The following LASP1NB variants were observed in gnomAD, a reference collection of about 807,000 sequenced individuals.
The protein encoded by LASP1NB is LASP1 neighbor protein.
At chr17:38,926,304 G>A in the LASP1NB span, 3 of 152,164 alleles carry the variant, frequency 2.0e-5, no homozygotes, top group Admixed American at 6.5e-5. Flanking sequence ...TTTACTTGGG[G>A]TGGGGTTTTC....
chr17:38,926,027 A>C, the LASP1NB span: 1 of 317,338 alleles, frequency 3.2e-6, no homozygotes, highest in Admixed American at 4.9e-5. Context: ...GACTTTAAAA[A>C]TTACAAATAA....
At chr17:38,929,326 T>G in the LASP1NB span, 1 of 152,142 alleles carries the variant, frequency 6.6e-6, no homozygotes, top group Admixed American at 6.6e-5. Context: ...TGTATAAATT[T>G]TATAAATTTG....
At chr17:38,926,343 G>A in the LASP1NB span, 1 of 152,344 alleles carries the variant, frequency 6.6e-6, no homozygotes, top group African/African-American at 2.4e-5. Flanking sequence ...GGGATATGGT[G>A]GAGAGGAGGG....
the LASP1NB span, among the ~76,000 whole-genome samples, chr17:38,926,133 G>A: frequency 6.6e-6 from 1 of 152,166 alleles, no homozygotes; most frequent in South Asian, 2.1e-4. Context: ...TTCAAGTTAG[G>A]TGCTCAAACT....
chr17:38,929,106 T>C, the LASP1NB span: 4 of 152,224 alleles, frequency 2.6e-5, no homozygotes, highest in Non-Finnish European at 4.4e-5. Flanking sequence ...CAGTTACTTG[T>C]AAAATATGAT....
At chr17:38,926,444 G>A in the LASP1NB span, 1 of 152,082 alleles carries the variant, frequency 6.6e-6, no homozygotes, top group African/African-American at 2.4e-5. Context: ...CCAACAAGAG[G>A]CCTCTCATCC....
chr17:38,929,283 A>C, the LASP1NB span: 4 of 152,222 alleles, frequency 2.6e-5, no homozygotes, highest in African/African-American at 9.6e-5. Flanking sequence ...ATAATAAAAC[A>C]CTGCAAAAAG....
the LASP1NB span, chr17:38,928,780 T>C: frequency 2.0e-5 from 3 of 152,244 alleles, no homozygotes; most frequent in South Asian, 4.1e-4. Flanking sequence ...TGGTATATCT[T>C]AGTGTTTCGA....
At chr17:38,925,835 G>A in the LASP1NB span, 1 of 398,384 alleles carries the variant, frequency 2.5e-6, no homozygotes, top group Non-Finnish European at 4.4e-6. Flanking sequence ...GAGATGAATG[G>A]CCGAGTGCCC....
the LASP1NB span, chr17:38,926,968 T>C: frequency 1.3e-5 from 2 of 152,200 alleles, no homozygotes; most frequent in Non-Finnish European, 2.9e-5. Context: ...CTCAAACCAC[T>C]TGTATCCCAG....
At chr17:38,927,599 A>G in the LASP1NB span, 1 of 152,158 alleles carries the variant, frequency 6.6e-6, no homozygotes, top group Non-Finnish European at 1.5e-5. Context: ...AGACATAGCG[A>G]GATTCCGTCT....
chr17:38,929,127 TAAATC>T, the LASP1NB span: 3 of 152,144 alleles, frequency 2.0e-5, no homozygotes, highest in African/African-American at 4.8e-5. Flanking sequence ...TTTAAAAAAA[TAAATC>T]AATACATTTT....
chr17:38,927,097 T>TGTGTGTGTGTGTGTGTGTGC, the LASP1NB span: 2 of 62,750 alleles, frequency 3.2e-5, no homozygotes, highest in Non-Finnish European at 7.4e-5. Flanking sequence ...CCAAAATGAG[T>TGTGTGTGTGTGTGTGTGTGC]GTGTGTGTGT....
chr17:38,929,249 A>G, the LASP1NB span: 1 of 152,214 alleles, frequency 6.6e-6, no homozygotes, highest in Non-Finnish European at 1.5e-5. Flanking sequence ...CATTTAAACT[A>G]TTTGTATTTT....
At chr17:38,927,071 G>C in the LASP1NB span, 4 of 151,474 alleles carry the variant, frequency 2.6e-5, no homozygotes, top group Non-Finnish European at 5.9e-5. Flanking sequence ...TACTTATTTA[G>C]GAAAAATCTC....
At chr17:38,929,132 C>A in the LASP1NB span, 1 of 152,076 alleles carries the variant, frequency 6.6e-6, no homozygotes, top group Non-Finnish European at 1.5e-5. Context: ...AAAAATAAAT[C>A]AATACATTTT....
At chr17:38,928,633 C>T in the LASP1NB span, 1 of 152,242 alleles carries the variant, frequency 6.6e-6, no homozygotes, top group East Asian at 1.9e-4. Flanking sequence ...GATACTGCAT[C>T]GTGGTATGTA....
the LASP1NB span, among the ~76,000 whole-genome samples, chr17:38,926,252 T>C: frequency 1.3e-5 from 2 of 152,246 alleles, no homozygotes; most frequent in African/African-American, 4.8e-5. Context: ...CATTACTTAA[T>C]GATTGACTCA....
At chr17:38,926,070 G>A in the LASP1NB span, among the ~76,000 whole-genome samples, 1 of 152,010 alleles carries the variant, frequency 6.6e-6, no homozygotes, top group East Asian at 1.9e-4. Context: ...TAGGCAGAAC[G>A]GGTTGGGAAT....
Sources: gnomAD v4.1 joint callset for allele counts (sites outside exome capture counted in the v4.1 genomes callset) on GRCh38, gnomAD v4.1.1 for gene constraint, MANE v1.5 for transcripts, NCBI Gene and HGNC (gene_info 2026-07-23, HGNC 2026-07-21) for gene names.